RIN3: variants seen among roughly 807,000 people sequenced by gnomAD.
RIN3 encodes Ras and Rab interactor 3.
A neutral mutation model predicts 76.3 loss-of-function variants in RIN3; 54 were observed. That is an observed-to-expected ratio of 0.71 (90% CI 0.57 to 0.89). The LOEUF (loss-of-function observed/expected upper bound fraction) is 0.89. RIN3 is among the 40% of genes least tolerant of loss of function. The pLI, the probability that RIN3 is intolerant of heterozygous loss-of-function variation, is 0.00. For synonymous variants in RIN3, 576 were observed against 564.0 expected (o/e 1.02, Z -0.30); for missense variants, 1,256 against 1,322.1 (o/e 0.95, Z 0.78).
chr14:92,628,620 C>A (rs1476408370), intron 4 of RIN3, among the ~76,000 whole-genome samples: 1 of 152,180 alleles, frequency 6.6e-6, no homozygotes, highest in African/African-American at 2.4e-5. Context: ...GCTTCCTGTT[C>A]CGTGAACTTT....
At chr14:92,679,163 A>G (rs1407647268) in intron 8 of RIN3, among the ~76,000 whole-genome samples, 1 of 152,210 alleles carries the variant, frequency 6.6e-6, no homozygotes, top group East Asian at 1.9e-4. Context: ...GGCGCTAAAC[A>G]GTTCCTAGAT....
intron 3 of RIN3, among the ~76,000 whole-genome samples, chr14:92,588,574 T>A (rs1198876666): frequency 1.3e-5 from 2 of 151,996 alleles, no homozygotes; most frequent in African/African-American, 4.8e-5. Flanking sequence ...TGAGGGTGGA[T>A]CCCTCATGAT....
intron 8 of RIN3, among the ~76,000 whole-genome samples, chr14:92,680,914 T>G (rs1255579395): frequency 6.6e-6 from 1 of 152,180 alleles, no homozygotes; most frequent in Non-Finnish European, 1.5e-5. Context: ...AGTGCCAGCT[T>G]GCTGGGACCC....
At chr14:92,533,046 C>G (rs1194248002) in intron 1 of RIN3, among the ~76,000 whole-genome samples, 1 of 152,196 alleles carries the variant, frequency 6.6e-6, no homozygotes, top group Non-Finnish European at 1.5e-5. Context: ...AAGAACTTTC[C>G]AAACAGGGTG....
At chr14:92,645,417 A>G (rs895428843) in intron 5 of RIN3, among the ~76,000 whole-genome samples, 1 of 152,266 alleles carries the variant, frequency 6.6e-6, no homozygotes, top group Non-Finnish European at 1.5e-5. Flanking sequence ...GGGTTTATTC[A>G]GCTATAAAAA....
At chr14:92,537,837 ATTTAT>A (rs1555381603) in intron 1 of RIN3, among the ~76,000 whole-genome samples, 1 of 120,778 alleles carries the variant, frequency 8.3e-6, no homozygotes. Flanking sequence ...ATTTTATTTT[ATTTAT>A]TTTTTTTTTT....
chr14:92,546,720 C>CG (rs1897275485), intron 1 of RIN3, among the ~76,000 whole-genome samples: 1 of 151,968 alleles, frequency 6.6e-6, no homozygotes, highest in Non-Finnish European at 1.5e-5. Flanking sequence ...AGCTTTGCCC[C>CG]CCGCCCCCAG....
chr14:92,517,203 A>C (rs1896466115), intron 1 of RIN3, among the ~76,000 whole-genome samples: 2 of 152,114 alleles, frequency 1.3e-5, no homozygotes, highest in Admixed American at 1.3e-4. Flanking sequence ...TGCCTGAGCA[A>C]AGGTTCGGGA....
At chr14:92,657,059 C>T (rs1374500648) in intron 6 of RIN3, among the ~76,000 whole-genome samples, 2 of 152,160 alleles carry the variant, frequency 1.3e-5, no homozygotes, top group Non-Finnish European at 1.5e-5. Flanking sequence ...ACTTAAACCA[C>T]ATAAAAAGGC....
intron 5 of RIN3, among the ~76,000 whole-genome samples, chr14:92,645,966 G>A (rs578113254): frequency 1.8e-3 from 203 of 112,208 alleles, no homozygotes; most frequent in Non-Finnish European, 2.8e-3. Flanking sequence ...AAAAAAAAAA[G>A]CTCTAAAATT....
At position 92,665,737 on chromosome 14, in the gene RIN3, C is replaced by G. The variant is rs573742891; in HGVS notation, c.2335+6268C>G. On this transcript the variant is annotated intron_variant, in intron 7 of 9. Coordinates refer to ENST00000216487, the MANE Select transcript of RIN3 (RefSeq NM_024832.5). Reference sequence around the variant, plus strand: ...AGGATACTGTTTTTTTTCCCCCAGCCCCACCTTTTCTTAATGAAAGTTCCT... The same window carrying G: ...AGGATACTGTTTTTTTTCCCCCAGCGCCACCTTTTCTTAATGAAAGTTCCT... 6.6e-5 allele frequency among the ~76,000 whole-genome samples: 10 copies of G among 151,930 alleles called. No homozygotes were observed. In the South Asian group the frequency reaches 1.9e-3, roughly 28 times the overall value.
chr14:92,529,835 G>T (rs1159192802), intron 1 of RIN3, among the ~76,000 whole-genome samples: 3 of 152,198 alleles, frequency 2.0e-5, no homozygotes, highest in Non-Finnish European at 4.4e-5. Context: ...GAGAAAATAT[G>T]TGTGTTAGAT....
At chr14:92,615,004 G>A (rs113412844) in intron 3 of RIN3, among the ~76,000 whole-genome samples, 13 of 151,604 alleles carry the variant, frequency 8.6e-5, no homozygotes, top group African/African-American at 2.9e-4. Flanking sequence ...CCACCACACC[G>A]GCTAATTTTT....
rs142189203 is a variant in RIN3, at chr14:92,620,225, G to C, written c.440+4746G>C. On this transcript the variant is annotated intron_variant, in intron 4 of 9. Transcript: ENST00000216487. ...ACTAGTAAGAAACTCTTACCCTTTT[G>C]CTGGCATGCCAGGTTTCTGGGTTCT... 3.9e-3 allele frequency among the ~76,000 whole-genome samples: 597 copies of C among 152,334 alleles called. 7 individuals are homozygous for C. The highest frequency in any genetic ancestry group is 0.014 in the African/African-American group (566 of 41,586).
At chr14:92,524,814 G>C (rs909494232) in intron 1 of RIN3, among the ~76,000 whole-genome samples, 11 of 152,222 alleles carry the variant, frequency 7.2e-5, no homozygotes, top group African/African-American at 2.7e-4. Flanking sequence ...CTCCAACCAA[G>C]GCTGTCTCCA....
At chr14:92,545,582 C>CTTTTTTTT (rs11324822) in intron 1 of RIN3, among the ~76,000 whole-genome samples, 1 of 114,712 alleles carries the variant, frequency 8.7e-6, no homozygotes, top group African/African-American at 3.2e-5. Flanking sequence ...TTTTCTTTTT[C>CTTTTTTTT]TTTTTTTTTT....
chr14:92,602,003 A>C (rs1885363879), intron 3 of RIN3, among the ~76,000 whole-genome samples: 1 of 152,248 alleles, frequency 6.6e-6, no homozygotes, highest in Non-Finnish European at 1.5e-5. Flanking sequence ...TTCCAAGAAA[A>C]GGAATCTTTT....
chr14:92,592,230 C>G (rs149345296), intron 3 of RIN3, among the ~76,000 whole-genome samples: 2 of 151,754 alleles, frequency 1.3e-5, no homozygotes. Flanking sequence ...GGTGAAACCA[C>G]GTTTCTACTA....
In RIN3 at chr14:92,582,733, G is replaced by A. The variant is rs534550895; in HGVS notation, c.367+5256G>A. Among the ~76,000 whole-genome samples the A allele has an allele frequency of 5.9e-5, 9 of 152,242 alleles. No individual in the cohort carries two copies. The East Asian group carries it at 1.4e-3, about 23-fold the overall frequency. ...CTCCCAAAGTGTTGGGATTACAGGC[G>A]TGAGCCACCCCGCCTGGCCTGCCGT... On this transcript the variant is annotated intron_variant, in intron 3 of 9. Coordinates refer to ENST00000216487, the MANE Select transcript of RIN3 (RefSeq NM_024832.5).
Sources: gnomAD v4.1 joint callset for allele counts (sites outside exome capture counted in the v4.1 genomes callset) on GRCh38, gnomAD v4.1.1 for gene constraint, MANE v1.5 for transcripts, NCBI Gene and HGNC (gene_info 2026-07-23, HGNC 2026-07-21) for gene names.